The following ANXA6 variants were observed in gnomAD, a reference collection of about 807,000 sequenced individuals.
ANXA6 encodes the protein 67 kDa calelectrin.
ANXA6 carries 71 observed loss-of-function variants against 95.4 expected under a neutral mutation model. That is an observed-to-expected ratio of 0.74 (90% confidence interval 0.61 to 0.91). The LOEUF is 0.91. Among genes scored for constraint, ANXA6 ranks in the 40% least tolerant of loss-of-function variants. ANXA6 has a pLI of 0.00. For synonymous variants in ANXA6, 289 were observed against 315.9 expected (o/e 0.91, Z 0.90); for missense variants, 830 against 876.4 (o/e 0.95, Z 0.67).
chr5:151,131,353 G>T, intron 10 of ANXA6, 64 bp from the exon 11 acceptor site: 1 of 1,529,746 alleles, frequency 6.5e-7, no homozygotes, highest in South Asian at 1.1e-5. Flanking sequence ...GGGATGGCCT[G>T]ACTCCCTCTT....
intron 20 of ANXA6, among the ~76,000 whole-genome samples, chr5:151,114,609 G>A (rs886594028): frequency 1.2e-4 from 8 of 69,260 alleles, no homozygotes; most frequent in South Asian, 7.3e-4. Flanking sequence ...GCGAGACTCC[G>A]TCTTAAAAAA....
At chr5:151,151,684 A>G (rs28386800) in intron 1 of ANXA6, among the ~76,000 whole-genome samples, 1 of 152,020 alleles carries the variant, frequency 6.6e-6, no homozygotes, top group South Asian at 2.1e-4. Context: ...AGAGACTTCA[A>G]CTCAGGATTT....
intron 2 of ANXA6, among the ~76,000 whole-genome samples, chr5:151,146,736 C>T (rs1765984928): frequency 6.6e-6 from 1 of 152,186 alleles, no homozygotes; most frequent in South Asian, 2.1e-4. Flanking sequence ...GACTGCATGG[C>T]TTTCTCCAAC....
intron 1 of ANXA6, among the ~76,000 whole-genome samples, chr5:151,149,132 G>A (rs1298475578): frequency 6.9e-6 from 1 of 145,120 alleles, no homozygotes; most frequent in Non-Finnish European, 1.5e-5. Context: ...AGTGAGCCAA[G>A]GTTGCACCAC....
intron 11 of ANXA6, among the ~76,000 whole-genome samples, 178 bp downstream of exon 11, chr5:151,131,053 G>C (rs996070047): frequency 1.3e-5 from 2 of 152,194 alleles, no homozygotes; most frequent in African/African-American, 4.8e-5. Flanking sequence ...CAGGTGGCAG[G>C]ACATGTGACC....
intron 1 of ANXA6, among the ~76,000 whole-genome samples, chr5:151,154,713 C>T (rs1368520212): frequency 6.6e-6 from 1 of 152,240 alleles, no homozygotes; most frequent in African/African-American, 2.4e-5. Flanking sequence ...GGAGCAGTGT[C>T]TTTTCCTCTC....
At chr5:151,110,504 G>T in intron 21 of ANXA6, 123 bp downstream of exon 21, 6 of 1,072,482 alleles carry the variant, frequency 5.6e-6, no homozygotes, top group Non-Finnish European at 8.3e-6. Context: ...GGGCCCGGAA[G>T]GGGAGAGAGA....
At chr5:151,143,374 C>T (rs946969960) in intron 2 of ANXA6, among the ~76,000 whole-genome samples, 8 of 152,094 alleles carry the variant, frequency 5.3e-5, no homozygotes, top group African/African-American at 1.9e-4. Context: ...TGCCTCTATG[C>T]CATTTCGACC....
intron 6 of ANXA6, among the ~76,000 whole-genome samples, chr5:151,136,851 A>C (rs571939168): frequency 6.6e-6 from 1 of 152,232 alleles, no homozygotes; most frequent in East Asian, 1.9e-4. Context: ...TCTTCTCTCC[A>C]TTCTTTATAC....
chr5:151,122,823 G>T, intron 16 of ANXA6, 94 bp downstream of exon 16: 1 of 1,096,902 alleles, frequency 9.1e-7, no homozygotes, highest in Non-Finnish European at 1.4e-6. Flanking sequence ...TGAAGACCCT[G>T]GTGCCCAACT....
intron 4 of ANXA6, chr5:151,139,005 C>A: frequency 1.7e-6 from 1 of 603,788 alleles, no homozygotes. Context: ...TAGCAAACGG[C>A]TATGCAGGGT....
chr5:151,148,669 A>G (rs1160784974), intron 1 of ANXA6, among the ~76,000 whole-genome samples: 2 of 152,224 alleles, frequency 1.3e-5, no homozygotes, highest in Non-Finnish European at 2.9e-5. Flanking sequence ...CTGAGATAAG[A>G]ACTACAGAGA....
In ANXA6 at chr5:151,132,584, G is replaced by A. The variant is rs368550190; in HGVS notation, c.641-13C>T. On this transcript the variant is annotated splice_polypyrimidine_tract_variant and intron_variant, in intron 9 of 25. Transcript: ENST00000354546. ...TACTCATCGAACACTGCGTCAGACA[G>A]AGAGACAGGGAGGTTTGAGAGTGCC... The A allele has an allele frequency of 1.6e-4, 257 of 1,607,658 alleles. No homozygotes were observed. Among genetic ancestry groups the A allele is most frequent in the Non-Finnish European group, 2.0e-4 (241 of 1,176,994 alleles).
chr5:151,126,767 G>T (rs1040840052), intron 13 of ANXA6, among the ~76,000 whole-genome samples: 1 of 151,824 alleles, frequency 6.6e-6, no homozygotes, highest in African/African-American at 2.4e-5. Flanking sequence ...CCCAGGCTGG[G>T]GTGCAGTGGC....
intron 19 of ANXA6, among the ~76,000 whole-genome samples, chr5:151,117,476 C>T (rs1167132978): frequency 6.6e-6 from 1 of 152,196 alleles, no homozygotes; most frequent in Non-Finnish European, 1.5e-5. Context: ...GGTAACAACA[C>T]AGGAGAGGGT....
intron 1 of ANXA6, among the ~76,000 whole-genome samples, chr5:151,153,902 A>G (rs1335420673): frequency 6.6e-6 from 1 of 152,106 alleles, no homozygotes; most frequent in Non-Finnish European, 1.5e-5. Context: ...TCATAATTTT[A>G]CACTTTTTAG....
intron 16 of ANXA6, among the ~76,000 whole-genome samples, 183 bp downstream of exon 16, chr5:151,122,734 G>C (rs918974322): frequency 1.3e-5 from 2 of 152,154 alleles, no homozygotes; most frequent in African/African-American, 4.8e-5. Flanking sequence ...AGGAACTGGG[G>C]GCATGGAAAG....
At chr5:151,121,324 C>T (rs1356578819) in intron 17 of ANXA6, among the ~76,000 whole-genome samples, 1 of 152,184 alleles carries the variant, frequency 6.6e-6, no homozygotes, top group Non-Finnish European at 1.5e-5. Flanking sequence ...AAGAGCCCTG[C>T]CTTGTGGCTT....
chr5:151,134,800 C>T (rs999953492), intron 7 of ANXA6, among the ~76,000 whole-genome samples: 1 of 152,176 alleles, frequency 6.6e-6, no homozygotes, highest in African/African-American at 2.4e-5. Flanking sequence ...AGGACAGGGC[C>T]CCAGGTTCTC....
Sources: allele counts gnomAD v4.1 joint callset (sites outside exome capture counted in the v4.1 genomes callset), GRCh38; gene constraint gnomAD v4.1.1; transcripts MANE v1.5; gene names NCBI Gene and HGNC (gene_info 2026-07-23, HGNC 2026-07-21).